The following WWOX variants were observed in gnomAD, a reference collection of about 807,000 sequenced individuals.
WWOX encodes WW domain-containing oxidoreductase.
In WWOX, 69 loss-of-function variants were observed where a neutral mutation model predicts 46.2. The ratio of observed to expected loss-of-function variants is 1.49; its 90% confidence interval spans 1.23 to 1.82. WWOX has a LOEUF of 1.82. Ranked by LOEUF, WWOX falls within the 40% of genes most tolerant of loss-of-function variation. WWOX has a pLI of 0.00. For missense variants in WWOX, 919 were observed against 542.6 expected, an observed-to-expected ratio of 1.69 and a Z score of -6.89; for synonymous variants, 359 against 202.6, an observed-to-expected ratio of 1.77 and a Z score of -6.56.
intron 8 of WWOX, among the ~76,000 whole-genome samples, chr16:78,440,616 T>C (rs2083422770): frequency 6.6e-6 from 1 of 151,558 alleles, no homozygotes; most frequent in South Asian, 2.1e-4. Context: ...TCTGTAGTTT[T>C]TTTTTTTTCT....
chr16:79,132,609 C>T (rs375994406), intron 8 of WWOX, among the ~76,000 whole-genome samples: 6 of 152,150 alleles, frequency 3.9e-5, no homozygotes, highest in Admixed American at 2.0e-4. Flanking sequence ...CTCTCTTTTT[C>T]CCTCAAACAT....
chr16:78,707,295 A>G (rs2048346805), intron 8 of WWOX, among the ~76,000 whole-genome samples: 1 of 152,220 alleles, frequency 6.6e-6, no homozygotes, highest in East Asian at 1.9e-4. Context: ...TACATGCAAA[A>G]ATCTCTACAT....
chr16:78,561,452 T>A (rs2044432493), intron 8 of WWOX, among the ~76,000 whole-genome samples: 1 of 152,172 alleles, frequency 6.6e-6, no homozygotes, highest in African/African-American at 2.4e-5. Context: ...GGAGTCTTAA[T>A]TAACACTGGC....
chr16:78,457,408 A>G (rs1443351157), intron 8 of WWOX, among the ~76,000 whole-genome samples: 1 of 152,204 alleles, frequency 6.6e-6, no homozygotes, highest in Non-Finnish European at 1.5e-5. Flanking sequence ...CCAACCAGGT[A>G]TTGCTTCGTG....
At chr16:78,944,249 A>G (rs142199923) in intron 8 of WWOX, among the ~76,000 whole-genome samples, 199 of 152,206 alleles carry the variant, frequency 1.3e-3, no homozygotes, top group African/African-American at 4.4e-3. Flanking sequence ...TGACTCTCAT[A>G]ATTGTAACTC....
intron 4 of WWOX, among the ~76,000 whole-genome samples, chr16:78,116,170 G>T (rs1379430970): frequency 6.6e-6 from 1 of 152,104 alleles, no homozygotes; most frequent in Admixed American, 6.6e-5. Flanking sequence ...TACCCTTTTA[G>T]ATATTTTACA....
In WWOX at chr16:78,893,230, T is replaced by A. The variant is rs1274990962; in HGVS notation, c.1057-318378T>A. Among the ~76,000 whole-genome samples, 3 of 152,022 alleles carry A rather than the reference T, an allele frequency of 2.0e-5. No individual in the cohort carries two copies. The East Asian group carries it at 5.8e-4, about 29-fold the overall frequency. On this transcript the variant is annotated intron_variant, in intron 8 of 8. Transcript: ENST00000566780. ...AGTGGGGATGCCCCTCTTGACCATCTTATGCCTGAAATAAGGGAAGACATT... is the reference window on the plus strand; with the variant it reads ...AGTGGGGATGCCCCTCTTGACCATCATATGCCTGAAATAAGGGAAGACATT...
chr16:78,154,389 A>G (rs2034524490), intron 4 of WWOX, among the ~76,000 whole-genome samples: 1 of 151,948 alleles, frequency 6.6e-6, no homozygotes, highest in Non-Finnish European at 1.5e-5. Context: ...CCCGCTGCCT[A>G]CAGAGGAGTC....
intron 8 of WWOX, among the ~76,000 whole-genome samples, chr16:78,975,464 T>C (rs1277504832): frequency 6.6e-6 from 1 of 151,990 alleles, no homozygotes; most frequent in Admixed American, 6.6e-5. Context: ...CAACCTTTTT[T>C]TTTTTTTCAT....
intron 8 of WWOX, among the ~76,000 whole-genome samples, chr16:79,171,339 G>T (rs926112985): frequency 6.6e-6 from 1 of 152,304 alleles, no homozygotes; most frequent in East Asian, 1.9e-4. Flanking sequence ...TAATAGTGTA[G>T]CACTATAGTT....
intron 5 of WWOX, among the ~76,000 whole-genome samples, chr16:78,256,384 G>A (rs1461306982): frequency 6.6e-6 from 1 of 151,834 alleles, no homozygotes; most frequent in Non-Finnish European, 1.5e-5. Context: ...TAATCTCTCT[G>A]ACCCTACCTT....
chr16:78,520,496 T>C (rs2043324756), intron 8 of WWOX, among the ~76,000 whole-genome samples: 1 of 152,148 alleles, frequency 6.6e-6, no homozygotes, highest in Admixed American at 6.5e-5. Context: ...AGCCTGCTTT[T>C]ACTAATGGTT....
intron 8 of WWOX, among the ~76,000 whole-genome samples, chr16:78,550,205 A>C (rs930078118): frequency 1.3e-5 from 2 of 152,254 alleles, no homozygotes; most frequent in African/African-American, 4.8e-5. Flanking sequence ...GGATCATTCC[A>C]TTTATACTCA....
intron 5 of WWOX, among the ~76,000 whole-genome samples, chr16:78,380,197 G>C (rs967697734): frequency 6.6e-6 from 1 of 152,134 alleles, no homozygotes; most frequent in South Asian, 2.1e-4. Context: ...CTTTGTCTCA[G>C]CTGCCATGAG....
intron 8 of WWOX, among the ~76,000 whole-genome samples, chr16:78,630,181 T>A (rs2046394998): frequency 6.6e-6 from 1 of 152,206 alleles, no homozygotes; most frequent in Non-Finnish European, 1.5e-5. Context: ...GCGTGATGAT[T>A]GTGTATTCCT....
chr16:78,773,556 C>G (rs936014511), intron 8 of WWOX, among the ~76,000 whole-genome samples: 1 of 152,156 alleles, frequency 6.6e-6, no homozygotes, highest in Non-Finnish European at 1.5e-5. Context: ...TATTCTTAGA[C>G]TAGTGGGGCT....
chr16:79,205,133 C>G (rs1042118755), intron 8 of WWOX: 1 of 152,244 alleles, frequency 6.6e-6, no homozygotes, highest in Non-Finnish European at 1.5e-5. Context: ...GAGCACGTGC[C>G]TGTCATTTAA....
At chr16:78,702,748 C>T (rs774022219) in intron 8 of WWOX, among the ~76,000 whole-genome samples, 3 of 151,914 alleles carry the variant, frequency 2.0e-5, no homozygotes, top group African/African-American at 7.3e-5. Context: ...ATGGAAAGAT[C>T]GCAGAGGAAG....
At chr16:78,420,845 A>C (rs1011095849) in intron 6 of WWOX, among the ~76,000 whole-genome samples, 1 of 152,120 alleles carries the variant, frequency 6.6e-6, no homozygotes, top group Non-Finnish European at 1.5e-5. Context: ...AATACCAAAA[A>C]CCATAAACAG....
Sources: gnomAD v4.1 joint callset for allele counts (sites outside exome capture counted in the v4.1 genomes callset) on GRCh38, gnomAD v4.1.1 for gene constraint, MANE v1.5 for transcripts, NCBI Gene and HGNC (gene_info 2026-07-23, HGNC 2026-07-21) for gene names.